SLC6A17: variants seen among roughly 807,000 people sequenced by gnomAD.
The protein encoded by SLC6A17 is solute carrier family 6 member 17.
In SLC6A17, 21 loss-of-function variants were observed where a neutral mutation model predicts 64.5. The observed-to-expected ratio is 0.33, with a 90% CI of 0.23 to 0.47. SLC6A17 has a LOEUF of 0.47. Among genes scored for constraint, SLC6A17 ranks in the 20% least tolerant of loss-of-function variants. SLC6A17 has a pLI of 1.00. For missense variants in SLC6A17, 682 were observed against 963.2 expected (o/e 0.71, Z 3.86); for synonymous variants, 372 against 399.5 (o/e 0.93, Z 0.82).
chr1:110,185,996 A>G (rs923436741), intron 6 of SLC6A17, among the ~76,000 whole-genome samples: 2 of 152,180 alleles, frequency 1.3e-5, no homozygotes, highest in African/African-American at 4.8e-5. Flanking sequence ...CCTGGGCCCT[A>G]TCAACATCAG....
intron 10 of SLC6A17, among the ~76,000 whole-genome samples, chr1:110,196,134 G>GAT (rs1656959970): frequency 6.6e-6 from 1 of 152,208 alleles, no homozygotes; most frequent in African/African-American, 2.4e-5. Flanking sequence ...AGGGGTATGA[G>GAT]ATGAGGTATG....
At chr1:110,156,680 T>G (rs1277086329) in intron 1 of SLC6A17, among the ~76,000 whole-genome samples, 1 of 152,226 alleles carries the variant, frequency 6.6e-6, no homozygotes, top group Non-Finnish European at 1.5e-5. Flanking sequence ...GTAAGCACAG[T>G]GGGTCACCTG....
intron 6 of SLC6A17, among the ~76,000 whole-genome samples, chr1:110,177,163 T>C (rs1250230879): frequency 6.6e-6 from 1 of 152,140 alleles, no homozygotes; most frequent in African/African-American, 2.4e-5. Context: ...CATGGGGGCT[T>C]TCATTGTGTG....
chr1:110,167,897 A>T (rs777774416), intron 2 of SLC6A17, among the ~76,000 whole-genome samples: 5 of 152,188 alleles, frequency 3.3e-5, no homozygotes, highest in Non-Finnish European at 5.9e-5. Flanking sequence ...GTCAGGATGC[A>T]AACCTGGACA....
In SLC6A17 at chr1:110,197,554, G is replaced by A. The variant is rs765879472; in HGVS notation, c.1770G>A (p.Gln590=). The A allele has an allele frequency of 3.7e-6, 6 of 1,612,428 alleles. No individual in the cohort carries two copies. The East Asian group carries it at 1.1e-4, about 30-fold the overall frequency. Residue 590 remains glutamine, a synonymous_variant, in exon 11 of 12, where the codon CAG becomes CAA. Coordinates refer to ENST00000331565, the MANE Select transcript of SLC6A17 (RefSeq NM_001010898.4). The stretch of plus-strand genomic sequence containing the variant: ...TGCTCACCACAGCCAGCATCATCCA[G>A]CTGGGGGTCACGCCCCCGGGCTACA... The part of the protein sequence containing the change: ...MAVLTTASII[Q]LGVTPPGYSA...
intron 1 of SLC6A17, among the ~76,000 whole-genome samples, chr1:110,159,921 T>C (rs1192715593): frequency 1.3e-5 from 2 of 152,212 alleles, no homozygotes; most frequent in South Asian, 4.1e-4. Context: ...ATATTTATCA[T>C]GCTCATATTA....
At chr1:110,153,550 T>TGTGTGTGTGTGTGTGTGC (rs1019826859) in intron 1 of SLC6A17, among the ~76,000 whole-genome samples, 2 of 151,698 alleles carry the variant, frequency 1.3e-5, no homozygotes, top group Non-Finnish European at 2.9e-5. Flanking sequence ...TGTGTGTGTG[T>TGTGTGTGTGTGTGTGTGC]GCATTGCATT....
At chr1:110,172,395 C>G in intron 3 of SLC6A17, 178 bp downstream of exon 3, 2 of 795,998 alleles carry the variant, frequency 2.5e-6, no homozygotes, top group Non-Finnish European at 3.8e-6. Flanking sequence ...CACCATGTTT[C>G]CTAAACTGAG....
intron 1 of SLC6A17, among the ~76,000 whole-genome samples, chr1:110,159,493 G>A (rs555410312): frequency 6.6e-6 from 1 of 152,288 alleles, no homozygotes; most frequent in African/African-American, 2.4e-5. Flanking sequence ...CTCAGCAAAT[G>A]CAACAGGAAA....
intron 3 of SLC6A17, 68 bp from the exon 4 acceptor site, chr1:110,173,892 CGTGCTGGGCCTCG>C: frequency 5.2e-6 from 8 of 1,552,158 alleles, no homozygotes; most frequent in South Asian, 2.5e-5. Context: ...GCGCTGCCGA[CGTGCTGGGCCTCG>C]GGTGGAGCGT....
At chr1:110,186,710 G>A (rs1370642348) in intron 6 of SLC6A17, among the ~76,000 whole-genome samples, 3 of 151,920 alleles carry the variant, frequency 2.0e-5, no homozygotes, top group Non-Finnish European at 2.9e-5. Context: ...TCTCTCACAC[G>A]TGCCAGCACT....
intron 1 of SLC6A17, among the ~76,000 whole-genome samples, chr1:110,165,300 A>G (rs566036708): frequency 4.4e-4 from 67 of 152,274 alleles, no homozygotes; most frequent in Non-Finnish European, 7.9e-4. Flanking sequence ...ACAGATGCAC[A>G]AGTGCCACCC....
intron 11 of SLC6A17, 103 bp downstream of exon 11, chr1:110,197,702 A>G (rs1412393725): frequency 1.5e-6 from 2 of 1,319,516 alleles, no homozygotes; most frequent in Non-Finnish European, 2.0e-6. Flanking sequence ...GCTATGTGCC[A>G]GGCCTTGCCA....
intron 8 of SLC6A17, among the ~76,000 whole-genome samples, chr1:110,193,231 T>A (rs1431850950): frequency 6.6e-6 from 1 of 152,130 alleles, no homozygotes; most frequent in East Asian, 1.9e-4. Flanking sequence ...CAAATCCAGT[T>A]AGTTGGGTCC....
chr1:110,192,118 C>T lies in SLC6A17; in HGVS notation c.1011C>T (p.Ser337=), dbSNP rs767092960. 8.7e-6 allele frequency: 14 copies of T among 1,614,188 alleles called. No homozygotes were observed. Among genetic ancestry groups the T allele is most frequent in the Middle Eastern group, 1.6e-4 (1 of 6,062 alleles). The change falls in exon 7 of 12, where the codon TCC becomes TCT. Residue 337 remains serine (S), a synonymous_variant. Coordinates refer to ENST00000331565, the MANE Select transcript of SLC6A17 (RefSeq NM_001010898.4). This position sits in a 1 kb window ranked among gnomAD's most constrained non-coding sequence, Gnocchi z 4.3. ...GCCACTTCGATGCCGCCCTGGTGTC[C>T]TTCATCAACTTCTTCACGTCAGTGT... The part of the protein sequence containing the change: ...NNCHFDAALV[S]FINFFTSVLA...
rs369068218 is a variant in SLC6A17 at position 110,171,155 on chromosome 1, T to G, written c.287-905T>G. 3.3e-5 allele frequency among the ~76,000 whole-genome samples: 5 copies of G among 152,162 alleles called. No individual in the cohort carries two copies. In the South Asian group the frequency reaches 1.0e-3, roughly 32 times the overall value. On this transcript the variant is annotated intron_variant, in intron 2 of 11. Coordinates refer to ENST00000331565, the MANE Select transcript of SLC6A17 (RefSeq NM_001010898.4). ...AGTGTAGCTGGGGGCTTCTGGAGGCTCTCTACTGGCAAGGCTTAGTCAGAG... is the reference window on the plus strand; with the variant it reads ...AGTGTAGCTGGGGGCTTCTGGAGGCGCTCTACTGGCAAGGCTTAGTCAGAG...
chr1:110,194,731 C>T lies in SLC6A17; in HGVS notation c.1452C>T (p.Pro484=). 6.2e-7 allele frequency: 1 copy of T among 1,614,132 alleles called. No individual in the cohort carries two copies. The highest frequency in any genetic ancestry group is 1.1e-5 in the South Asian group (1 of 91,092). ...MIGTMAGITT[P]IIDTFKVPKE... The stretch of plus-strand genomic sequence containing the variant: ...GGACCATGGCAGGCATCACCACGCC[C>T]ATCATCGACACCTTCAAGGTGCCCA... Residue 484 remains proline (P), a synonymous_variant, in exon 9 of 12, where the codon CCC becomes CCT. Coordinates refer to ENST00000331565, the MANE Select transcript of SLC6A17 (RefSeq NM_001010898.4).
At position 110,164,172 on chromosome 1, in the gene SLC6A17, T is replaced by C. The variant is rs183767835; in HGVS notation, c.-87-2671T>C. ...TGGCATATAGGAGGCACTCAGGAAA[T>C]GTATGTCAGGTGAGTGAGTGAGTCA... On this transcript the variant is annotated intron_variant, in intron 1 of 11. Transcript: ENST00000331565. Among the ~76,000 whole-genome samples, 10 of 152,208 alleles carry C rather than the reference T, an allele frequency of 6.6e-5. No homozygotes were observed. The East Asian group carries it at 1.9e-3, about 29-fold the overall frequency.
chr1:110,180,485 C>A (rs775882421), intron 6 of SLC6A17, among the ~76,000 whole-genome samples: 3 of 152,150 alleles, frequency 2.0e-5, no homozygotes, highest in Non-Finnish European at 4.4e-5. Context: ...TCCATCCAAG[C>A]CCCCTCAGGG....
Sources: allele counts gnomAD v4.1 joint callset (sites outside exome capture counted in the v4.1 genomes callset), GRCh38; gene constraint gnomAD v4.1.1; non-coding constraint Gnocchi (gnomAD v3.1); transcripts MANE v1.5; gene names NCBI Gene and HGNC (gene_info 2026-07-23, HGNC 2026-07-21).